SLC37A1: variants seen among roughly 807,000 people sequenced by gnomAD.
SLC37A1 encodes solute carrier family 37 member 1, also known as glucose-6-phosphate exchanger SLC37A1.
In SLC37A1, 49 loss-of-function variants were observed where a neutral mutation model predicts 75.3. The ratio of observed to expected loss-of-function variants is 0.65; its 90% CI spans 0.52 to 0.83. The LOEUF is 0.83. Among genes scored for constraint, SLC37A1 ranks in the 40% least tolerant of loss-of-function variants. The pLI is 0.00. For synonymous variants in SLC37A1, 268 were observed against 292.1 expected (o/e 0.92, Z 0.84); for missense variants, 566 against 695.0 (o/e 0.81, Z 2.09).
chr21:42,534,715 C>G lies in SLC37A1; in HGVS notation c.156C>G (p.Tyr52Ter). 6.2e-7 allele frequency: 1 copy of G among 1,613,920 alleles called. No homozygotes were observed. Among genetic ancestry groups the G allele is most frequent in the Non-Finnish European group, 8.5e-7 (1 of 1,179,920 alleles). Reference sequence around the variant, plus strand: ...CGTCCCAGGGTGAGCTCCACAAGTACTGCACTGCTTGGGATGAAGCTGACG... The same window carrying G: ...CGTCCCAGGGTGAGCTCCACAAGTAGTGCACTGCTTGGGATGAAGCTGACG... The part of the protein sequence containing the change: ...ISIVKGELHK[Y>*]CTAWDEADVR... Residue 52 changes from tyrosine (Y) to a stop codon, truncating the protein, a stop_gained, in exon 4 of 20, where the codon TAC becomes TAG. Coordinates refer to ENST00000352133, the MANE Select transcript of SLC37A1 (RefSeq NM_001320537.2). LOFTEE classifies it high-confidence loss of function.
intron 6 of SLC37A1, among the ~76,000 whole-genome samples, chr21:42,540,465 G>A (rs1173752965): frequency 3.9e-5 from 6 of 152,202 alleles, no homozygotes; most frequent in South Asian, 2.1e-4. Flanking sequence ...ATGCAAGGGC[G>A]GAAGGAAGGG....
intron 11 of SLC37A1, among the ~76,000 whole-genome samples, chr21:42,560,045 G>A (rs982510421): frequency 3.0e-4 from 46 of 152,142 alleles, no homozygotes; most frequent in African/African-American, 1.1e-3. Context: ...GCTGGTCCTC[G>A]GTGGTGCTGC....
intron 12 of SLC37A1, among the ~76,000 whole-genome samples, chr21:42,563,067 G>A (rs2055874508): frequency 6.6e-6 from 1 of 152,120 alleles, no homozygotes; most frequent in Admixed American, 6.5e-5. Flanking sequence ...GCAGGGACAG[G>A]GCCTGCCCCA....
rs1421509870 is a variant in SLC37A1 at position 42,539,613 on chromosome 21, A to G, written c.452A>G (p.Asn151Ser). The change falls in exon 6 of 20, where the codon AAC becomes AGC. Residue 151 changes from asparagine (N) to serine (S), a missense_variant. By Grantham distance (46) the Asn-to-Ser change is conservative (BLOSUM62 1). Transcript: ENST00000352133. The stretch of plus-strand genomic sequence containing the variant: ...CTGTTCGGCTTAGGGTATTTCTACA[A>G]CATCCACAGTTTCGGATTCTACGTG... ...TALFGLGYFY[N>S]IHSFGFYVVT... The G allele has an allele frequency of 6.2e-7, 1 of 1,613,928 alleles. No homozygotes were observed.
intron 2 of SLC37A1, among the ~76,000 whole-genome samples, chr21:42,520,194 C>T (rs1438494714): frequency 3.9e-5 from 6 of 152,166 alleles, no homozygotes; most frequent in South Asian, 2.1e-4. Context: ...ATGTTAAAAA[C>T]AATATCAAAT....
chr21:42,524,773 A>G (rs1029893959), intron 2 of SLC37A1, among the ~76,000 whole-genome samples: 3 of 152,210 alleles, frequency 2.0e-5, no homozygotes, highest in African/African-American at 7.2e-5. Context: ...ACGTAATAAT[A>G]AGAAACATGC....
rs1246539694 is a variant in SLC37A1 at position 42,514,346 on chromosome 21, G to A, written c.-550G>A. 6.6e-6 allele frequency: 1 copy of A among 152,158 alleles called. No individual in the cohort carries two copies. The highest frequency in any genetic ancestry group is 2.4e-5 in the African/African-American group (1 of 41,448). 9.4% of individuals were successfully genotyped at this position (152,158 alleles called of 1,614,324 possible). A position where few individuals can be genotyped will look rare whatever the true frequency, so the allele number is the denominator to read the frequency against. ...AGGGGCGAGCTTAGCTGTCCAGCCG[G>A]GTCCCCTGCCCACCCCGGCCCGGGC... On this transcript the variant is annotated 5_prime_UTR_variant, in exon 1 of 20. Coordinates refer to ENST00000352133, the MANE Select transcript of SLC37A1 (RefSeq NM_001320537.2). This position sits in a 1 kb window ranked among gnomAD's most constrained non-coding sequence, Gnocchi z 4.8.
chr21:42,550,313 A>ATTATT (rs1396077473), intron 9 of SLC37A1, among the ~76,000 whole-genome samples: 2 of 152,276 alleles, frequency 1.3e-5, no homozygotes, highest in African/African-American at 4.8e-5. Flanking sequence ...AATAAAATGG[A>ATTATT]TTATGAGGGA....
intron 10 of SLC37A1, among the ~76,000 whole-genome samples, chr21:42,554,413 G>C (rs144225371): frequency 6.6e-6 from 1 of 152,194 alleles, no homozygotes; most frequent in African/African-American, 2.4e-5. Flanking sequence ...GGCGGTGCTG[G>C]TGTAGACGGA....
chr21:42,531,328 C>G (rs2054974153), intron 3 of SLC37A1, among the ~76,000 whole-genome samples: 1 of 150,754 alleles, frequency 6.6e-6, no homozygotes, highest in South Asian at 2.1e-4. Context: ...GCGATGGCAT[C>G]TGCTGTTTAT....
chr21:42,531,910 T>C (rs1406712885), intron 3 of SLC37A1, among the ~76,000 whole-genome samples: 1 of 152,078 alleles, frequency 6.6e-6, no homozygotes, highest in Non-Finnish European at 1.5e-5. Flanking sequence ...AAGGTGACCT[T>C]TCCAACATCA....
At chr21:42,550,922 T>C (rs2055541077) in intron 9 of SLC37A1, among the ~76,000 whole-genome samples, 1 of 152,224 alleles carries the variant, frequency 6.6e-6, no homozygotes, top group South Asian at 2.1e-4. Flanking sequence ...AGCAACTTCC[T>C]TGACCTGACA....
chr21:42,520,289 G>A (rs1371822059), intron 2 of SLC37A1, among the ~76,000 whole-genome samples: 2 of 152,120 alleles, frequency 1.3e-5, no homozygotes, highest in Non-Finnish European at 2.9e-5. Flanking sequence ...TATGGGTCTC[G>A]TCTCTTCATC....
intron 6 of SLC37A1, among the ~76,000 whole-genome samples, chr21:42,540,751 T>TA (rs1197306505): frequency 2.6e-5 from 4 of 152,210 alleles, no homozygotes; most frequent in Non-Finnish European, 4.4e-5. Context: ...GGGAATGCTA[T>TA]AAAACCATCA....
chr21:42,569,281 T>C (rs9941856), intron 17 of SLC37A1, among the ~76,000 whole-genome samples: 114,211 of 152,048 alleles, frequency 0.75, 43,966 homozygotes, highest in African/African-American at 0.85. Flanking sequence ...GCTGATGTTG[T>C]TCTTGGCTGC....
At chr21:42,503,784 C>A (rs766871648) in intron 2 of SLC37A1, among the ~76,000 whole-genome samples, 1 of 152,150 alleles carries the variant, frequency 6.6e-6, no homozygotes, top group South Asian at 2.1e-4. Context: ...ATACAGTTAT[C>A]GGAAGAGCTA....
In SLC37A1 at chr21:42,554,087, C is replaced by T; in HGVS notation, c.794C>T (p.Thr265Ile). ...CACTCAAAAGGCTATGAGAATGGTACAAACAGATTGAGACTCCAGAAGCAA... is the reference window on the plus strand; with the variant it reads ...CACTCAAAAGGCTATGAGAATGGTATAAACAGATTGAGACTCCAGAAGCAA... ...VTHSKGYENG[T>I]NRLRLQKQIL... The change falls in exon 10 of 20, where the codon ACA (threonine) becomes ATA (isoleucine). Residue 265 changes from threonine (T) to isoleucine (I), a missense_variant. Physicochemically the swap from Thr to Ile is moderately conservative, Grantham distance 89. Coordinates refer to ENST00000352133, the MANE Select transcript of SLC37A1 (RefSeq NM_001320537.2). The T allele has an allele frequency of 6.2e-7, 1 of 1,613,468 alleles. No homozygotes were observed. Among genetic ancestry groups the T allele is most frequent in the Non-Finnish European group, 8.5e-7 (1 of 1,179,748 alleles).
At chr21:42,529,589 T>C (rs956062176) in intron 3 of SLC37A1, among the ~76,000 whole-genome samples, 3 of 152,132 alleles carry the variant, frequency 2.0e-5, no homozygotes, top group Non-Finnish European at 4.4e-5. Flanking sequence ...ATTAAAGACA[T>C]GAATGTAAAA....
chr21:42,534,938 A>G lies in SLC37A1; in HGVS notation c.271+108A>G, dbSNP rs980243545. The G allele has an allele frequency of 1.1e-5, 15 of 1,407,542 alleles. No individual in the cohort carries two copies. The South Asian group carries it at 1.2e-4, about 11-fold the overall frequency. 87.2% of individuals were successfully genotyped at this position (1,407,542 alleles called of 1,614,324 possible). The stretch of plus-strand genomic sequence containing the variant: ...TGTTCCCAGATGTAACTGCATTTCC[A>G]TGACAGCCCTCTCCTACCAAAAAGC... On this transcript the variant is annotated intron_variant, in intron 4 of 19. Coordinates refer to ENST00000352133, the MANE Select transcript of SLC37A1 (RefSeq NM_001320537.2).
Sources: gnomAD v4.1 joint callset for allele counts (sites outside exome capture counted in the v4.1 genomes callset) on GRCh38, gnomAD v4.1.1 for gene constraint, Gnocchi (gnomAD v3.1) non-coding constraint, MANE v1.5 for transcripts, NCBI Gene and HGNC (gene_info 2026-07-23, HGNC 2026-07-21) for gene names.